Variants in ZBED6 observed in about 807,000 individuals in gnomAD.
ZBED6 encodes zinc finger BED-type containing 6, also known as zinc finger BED domain-containing protein 6.
A neutral mutation model predicts 58.4 loss-of-function variants in ZBED6; 40 were observed. The ratio of observed to expected loss-of-function variants is 0.68; its 90% confidence interval spans 0.53 to 0.89. The LOEUF (loss-of-function observed/expected upper bound fraction) is 0.89. Among genes scored for constraint, ZBED6 ranks in the 40% least tolerant of loss-of-function variants. ZBED6 has a pLI of 0.00. For missense variants in ZBED6, 1,057 were observed against 1,003.9 expected (o/e 1.05, Z -0.71); for synonymous variants, 439 against 350.6 (o/e 1.25, Z -2.82).
At chr1:203,816,119 G>A (rs1265551789) in intron 1 of ZBED6, among the ~76,000 whole-genome samples, 2 of 152,154 alleles carry the variant, frequency 1.3e-5, no homozygotes, top group Non-Finnish European at 2.9e-5. Context: ...TTCTCACCTA[G>A]TTATGATTAT....
chr1:203,817,599 C>CAA (rs1676789438), intron 2 of ZBED6, among the ~76,000 whole-genome samples: 1 of 151,978 alleles, frequency 6.6e-6, no homozygotes, highest in Non-Finnish European at 1.5e-5. Context: ...TATGCTTTTG[C>CAA]AGTTTTTTGG....
intron 7 of ZBED6, 88 bp downstream of exon 7, chr1:203,830,291 A>T (rs1315220915): frequency 9.8e-7 from 1 of 1,016,788 alleles, no homozygotes; most frequent in African/African-American, 1.6e-5. Context: ...CAAAATGAGC[A>T]AATAGATTTT....
intron 8 of ZBED6, among the ~76,000 whole-genome samples, chr1:203,833,220 T>C (rs557031201): frequency 1.3e-5 from 2 of 152,034 alleles, no homozygotes; most frequent in South Asian, 4.1e-4. Flanking sequence ...ATACAAAATT[T>C]AGCTGGGCAT....
At chr1:203,797,906 T>C (rs1366683630) in exon 1 of ZBED6, 1 of 1,536,124 alleles carries the variant, frequency 6.5e-7, no homozygotes, top group Non-Finnish European at 8.7e-7. Flanking sequence ...TACCTAGTAC[T>C]AGAGCCAAGA....
chr1:203,848,478 C>T (rs865868933), intron 13 of ZBED6, 71 bp downstream of exon 13: 1 of 1,160,446 alleles, frequency 8.6e-7, no homozygotes, highest in Admixed American at 2.3e-5. Flanking sequence ...TTTTACCTTA[C>T]AATAAATTTC....
chr1:203,808,559 C>A (rs1020169010), intron 1 of ZBED6, among the ~76,000 whole-genome samples: 2 of 152,032 alleles, frequency 1.3e-5, no homozygotes, highest in African/African-American at 4.8e-5. Context: ...TTTAGGATTT[C>A]TATTTATAGA....
intron 1 of ZBED6, chr1:203,806,006 T>C (rs1672200631): frequency 1.8e-6 from 1 of 560,838 alleles, no homozygotes; most frequent in African/African-American, 1.9e-5. Flanking sequence ...ACTTGTTTCA[T>C]GTTGAATGAC....
chr1:203,841,199 C>T lies in ZBED6; in HGVS notation c.*3741+825C>T, dbSNP rs570933061. Among the ~76,000 whole-genome samples, 164 of 138,406 alleles carry T rather than the reference C, an allele frequency of 1.2e-3. 1 individual carries two copies. The highest frequency in any genetic ancestry group is 4.3e-3 in the African/African-American group (158 of 36,758). 90.8% of individuals were successfully genotyped at this position (138,406 alleles called of 152,430 possible). ...TTATTGATCATTCTTGGGTGTTTCTCGGAGAGGGGGATTGGCAGGGTCATA... is the reference window on the plus strand; with the variant it reads ...TTATTGATCATTCTTGGGTGTTTCTTGGAGAGGGGGATTGGCAGGGTCATA... On this transcript the variant is annotated intron_variant, in intron 11 of 16. Coordinates refer to ENST00000550078, the Ensembl canonical transcript of ZBED6.
intron 9 of ZBED6, 40 bp downstream of exon 9, chr1:203,833,893 T>C (rs751613265): frequency 9.5e-6 from 15 of 1,580,748 alleles, no homozygotes; most frequent in Middle Eastern, 1.7e-4. Context: ...TTTCTACTTG[T>C]TTGTGCATTA....
intron 4 of ZBED6, 131 bp from the exon 5 acceptor site, chr1:203,829,320 C>CT: frequency 1.1e-6 from 1 of 916,116 alleles, no homozygotes; most frequent in African/African-American, 1.7e-5. Context: ...GACTTTAGAA[C>CT]TTAAATGAGG....
At chr1:203,852,367 C>T in exon 17 of ZBED6, 1 of 1,613,760 alleles carries the variant, frequency 6.2e-7, no homozygotes. Context: ...AGATGACCTT[C>T]TGCTTGAGCT....
chr1:203,811,341 T>C (rs1374850982), intron 1 of ZBED6, among the ~76,000 whole-genome samples: 1 of 152,114 alleles, frequency 6.6e-6, no homozygotes, highest in African/African-American at 2.4e-5. Flanking sequence ...ATAAAATTAG[T>C]TGCCAAAAAA....
intron 8 of ZBED6, among the ~76,000 whole-genome samples, chr1:203,833,204 CT>C (rs1682980021): frequency 6.6e-6 from 1 of 151,944 alleles, no homozygotes; most frequent in South Asian, 2.1e-4. Context: ...CTTGTCTCTA[CT>C]AAAAATACAA....
At chr1:203,828,029 G>C (rs1681125525) in intron 3 of ZBED6, among the ~76,000 whole-genome samples, 1 of 148,834 alleles carries the variant, frequency 6.7e-6, no homozygotes, top group Admixed American at 7.1e-5. Flanking sequence ...GTATCATCCT[G>C]CTTCTCTAAA....
At chr1:203,847,140 A>T (rs1413078009) in intron 11 of ZBED6, 44 bp from the exon 12 acceptor site, 1 of 1,600,798 alleles carries the variant, frequency 6.2e-7, no homozygotes, top group Non-Finnish European at 8.5e-7. Flanking sequence ...TCAGTAAGAG[A>T]TGAACTTCAA....
chr1:203,838,192 C>A, intron 10 of ZBED6, 128 bp downstream of exon 10: 1 of 888,002 alleles, frequency 1.1e-6, no homozygotes, highest in Non-Finnish European at 1.7e-6. Flanking sequence ...TTATATTATT[C>A]ACTCAACAAA....
chr1:203,825,578 G>A (rs1429757648), intron 3 of ZBED6, among the ~76,000 whole-genome samples: 1 of 151,948 alleles, frequency 6.6e-6, no homozygotes, highest in African/African-American at 2.4e-5. Context: ...GGGACTACAG[G>A]CGCCCTCCAC....
At chr1:203,833,188 T>C (rs186594502) in intron 8 of ZBED6, among the ~76,000 whole-genome samples, 1 of 152,034 alleles carries the variant, frequency 6.6e-6, no homozygotes, top group Non-Finnish European at 1.5e-5. Context: ...ACCAACGCGG[T>C]GAAACCTTGT....
chr1:203,843,748 T>A (rs1687124801), intron 11 of ZBED6, among the ~76,000 whole-genome samples: 3 of 152,212 alleles, frequency 2.0e-5, no homozygotes, highest in South Asian at 2.1e-4. Context: ...GGGGCCAGCC[T>A]TATCTTTATT....
Sources: gnomAD v4.1 joint callset for allele counts (sites outside exome capture counted in the v4.1 genomes callset) on GRCh38, gnomAD v4.1.1 for gene constraint, MANE v1.5 for transcripts, NCBI Gene and HGNC (gene_info 2026-07-23, HGNC 2026-07-21) for gene names.